The following TENM4 variants were observed in gnomAD, a reference collection of about 807,000 sequenced individuals.
TENM4 encodes the protein teneurin transmembrane protein 4, also known as teneurin-4.
Under a neutral mutation model 243.3 loss-of-function variants are expected in TENM4, and 82 were observed. The observed-to-expected ratio is 0.34, with a 90% CI of 0.28 to 0.40. The LOEUF (loss-of-function observed/expected upper bound fraction) is 0.40, where lower values mean the gene tolerates loss of function less well. TENM4 is among the 10% of genes least tolerant of loss of function. TENM4 has a pLI of 1.00. For missense variants in TENM4, 3,138 were observed against 3,673.3 expected (o/e 0.85, Z 3.77); for synonymous variants, 1,412 against 1,456.3 (o/e 0.97, Z 0.69).
At chr11:79,429,725 C>G (rs1859127852) in intron 1 of TENM4, among the ~76,000 whole-genome samples, 1 of 152,130 alleles carries the variant, frequency 6.6e-6, no homozygotes, top group African/African-American at 2.4e-5. Context: ...ATGGGAGAAC[C>G]ATCAGTAGCA....
chr11:79,113,674 A>G (rs1373701394), intron 4 of TENM4, among the ~76,000 whole-genome samples: 1 of 151,990 alleles, frequency 6.6e-6, no homozygotes, highest in African/African-American at 2.4e-5. Flanking sequence ...AACCAACAAA[A>G]TGGCAATTCT....
intron 12 of TENM4, among the ~76,000 whole-genome samples, chr11:78,818,903 T>C (rs1449828849): frequency 6.6e-6 from 1 of 151,648 alleles, no homozygotes; most frequent in Non-Finnish European, 1.5e-5. Flanking sequence ...GTATATGGCA[T>C]GTTGGAAAAT....
intron 14 of TENM4, among the ~76,000 whole-genome samples, chr11:78,807,663 G>A (rs941468160): frequency 1.3e-5 from 2 of 152,164 alleles, no homozygotes; most frequent in African/African-American, 4.8e-5. Flanking sequence ...TTTTATAATT[G>A]TTAGGGGACG....
intron 1 of TENM4, among the ~76,000 whole-genome samples, chr11:79,327,097 C>T (rs548858071): frequency 1.3e-5 from 2 of 152,282 alleles, no homozygotes; most frequent in South Asian, 4.1e-4. Flanking sequence ...GAACATTAAT[C>T]TCCAGAAATG....
At chr11:79,228,563 G>C (rs761346601) in intron 2 of TENM4, among the ~76,000 whole-genome samples, 1 of 151,918 alleles carries the variant, frequency 6.6e-6, no homozygotes, top group Non-Finnish European at 1.5e-5. Flanking sequence ...GCAGACACAC[G>C]TGCTTATTTC....
intron 16 of TENM4, among the ~76,000 whole-genome samples, chr11:78,784,307 T>C (rs886913548): frequency 6.6e-6 from 1 of 152,238 alleles, no homozygotes; most frequent in Non-Finnish European, 1.5e-5. Context: ...TTTCCCCTTC[T>C]CATTTCTATT....
chr11:78,831,381 C>G (rs1474729448), intron 12 of TENM4, among the ~76,000 whole-genome samples: 2 of 152,232 alleles, frequency 1.3e-5, no homozygotes, highest in African/African-American at 2.4e-5. Flanking sequence ...AGAGCAAATG[C>G]TTGGTCAGTT....
chr11:79,392,585 C>T (rs1361915549), intron 1 of TENM4, among the ~76,000 whole-genome samples: 1 of 152,220 alleles, frequency 6.6e-6, no homozygotes, highest in Non-Finnish European at 1.5e-5. Flanking sequence ...GTCCCGGCTT[C>T]CCAGATTGGG....
chr11:78,908,255 C>G (rs533826451), intron 6 of TENM4, among the ~76,000 whole-genome samples: 1 of 152,170 alleles, frequency 6.6e-6, no homozygotes. Context: ...CATCAAGTCA[C>G]TTACTTTCTC....
chr11:78,805,222 C>T lies in TENM4; in HGVS notation c.2179+70G>A, dbSNP rs1364132599. ...ATTGCTACGTGATTGGGAACAGTCA[C>T]GTGATTGGTGACCATGTCACAGTGG... On this transcript the variant is annotated intron_variant, in intron 15 of 33. Coordinates refer to ENST00000278550, the MANE Select transcript of TENM4 (RefSeq NM_001098816.3). 1.6e-5 allele frequency: 17 copies of T among 1,036,030 alleles called. No homozygotes were observed. The South Asian group carries it at 1.7e-4, about 10-fold the overall frequency. 64.2% of individuals were successfully genotyped at this position (1,036,030 alleles called of 1,614,324 possible).
chr11:79,382,161 G>T (rs901334443), intron 1 of TENM4, among the ~76,000 whole-genome samples: 6 of 152,188 alleles, frequency 3.9e-5, no homozygotes, highest in Admixed American at 1.3e-4. Flanking sequence ...AGCTCATTAG[G>T]GGGAGGGCCA....
intron 6 of TENM4, among the ~76,000 whole-genome samples, chr11:79,012,948 G>C (rs1192226674): frequency 4.6e-5 from 7 of 152,178 alleles, no homozygotes; most frequent in Non-Finnish European, 8.8e-5. Flanking sequence ...GGCTCCAGGG[G>C]ATGGAAGACC....
At chr11:78,849,960 G>A (rs1192424626) in intron 12 of TENM4, among the ~76,000 whole-genome samples, 2 of 152,170 alleles carry the variant, frequency 1.3e-5, no homozygotes, top group Non-Finnish European at 2.9e-5. Context: ...CAGGACCAGG[G>A]TCAGTACCCT....
At chr11:79,234,567 G>A (rs183973949) in intron 2 of TENM4, among the ~76,000 whole-genome samples, 213 of 152,334 alleles carry the variant, frequency 1.4e-3, no homozygotes, top group Admixed American at 4.2e-3. Flanking sequence ...TGGGTGGAGG[G>A]TGAGGGCAAG....
chr11:79,173,885 C>T (rs1043672186), intron 3 of TENM4, among the ~76,000 whole-genome samples: 15 of 152,044 alleles, frequency 9.9e-5, no homozygotes, highest in African/African-American at 2.4e-4. Flanking sequence ...GAATGAATCA[C>T]GAAGGGAATG....
intron 11 of TENM4, among the ~76,000 whole-genome samples, chr11:78,855,145 T>A (rs998542469): frequency 6.6e-6 from 1 of 152,222 alleles, no homozygotes; most frequent in African/African-American, 2.4e-5. Context: ...AGGACTAGCA[T>A]ACCAGTCTGC....
intron 18 of TENM4, among the ~76,000 whole-genome samples, chr11:78,768,814 T>TC (rs1179686035): frequency 6.6e-6 from 1 of 152,040 alleles, no homozygotes; most frequent in East Asian, 1.9e-4. Flanking sequence ...AACCTCTCTC[T>TC]CCCCCCGAGC....
chr11:79,108,040 C>T (rs1256999921), intron 4 of TENM4, among the ~76,000 whole-genome samples: 1 of 152,190 alleles, frequency 6.6e-6, no homozygotes, highest in Non-Finnish European at 1.5e-5. Flanking sequence ...AAAGGTTGGA[C>T]TACTTACATA....
At position 78,669,549 on chromosome 11, in the gene TENM4, C is replaced by A. The variant is rs373812159; in HGVS notation, c.6796G>T (p.Gly2266Cys). 7 of 1,613,956 alleles carry A rather than the reference C, an allele frequency of 4.3e-6. No homozygotes were observed. The highest frequency in any genetic ancestry group is 5.9e-6 in the Non-Finnish European group (7 of 1,179,894). ...GCTGAGTTGTACTCAAAGATATCAC[C>A]GCCCCGCTGCCTCAGGAAGCCATCC... ...DEDGFLRQRGGDIFEYNSAGL... is the reference protein window; with the variant it reads ...DEDGFLRQRGCDIFEYNSAGL... The change falls in exon 32 of 34, where the codon GGT becomes TGT. Residue 2266 changes from glycine to cysteine, a missense_variant. Transcript: ENST00000278550. The surrounding 1 kb of genome is among the most constrained non-coding windows in gnomAD (Gnocchi z 6.4).
Sources: gnomAD v4.1 joint callset for allele counts (sites outside exome capture counted in the v4.1 genomes callset) on GRCh38, gnomAD v4.1.1 for gene constraint, Gnocchi (gnomAD v3.1) non-coding constraint, MANE v1.5 for transcripts, NCBI Gene and HGNC (gene_info 2026-07-23, HGNC 2026-07-21) for gene names.